RYR3: variants seen among roughly 807,000 people sequenced by gnomAD.
The protein encoded by RYR3 is brain ryanodine receptor-calcium release channel.
In RYR3, 207 loss-of-function variants were observed where a neutral mutation model predicts 584.3. That is an observed-to-expected ratio of 0.35 (90% CI 0.32 to 0.40). The LOEUF (loss-of-function observed/expected upper bound fraction) is 0.40, where lower values mean the gene tolerates loss of function less well. Ranked by LOEUF, RYR3 falls within the 10% of genes least tolerant of loss-of-function variation. The pLI is 1.00. For synonymous variants in RYR3, 2,416 were observed against 2,248.5 expected (o/e 1.07, Z -2.11); for missense variants, 5,616 against 6,089.2 (o/e 0.92, Z 2.59).
chr15:33,517,860 A>G (rs1010110952), intron 3 of RYR3, among the ~76,000 whole-genome samples: 1 of 152,170 alleles, frequency 6.6e-6, no homozygotes, highest in Non-Finnish European at 1.5e-5. Context: ...GATACCAGAA[A>G]AGAGGTTAAA....
At chr15:33,441,555 G>A (rs1435721812) in intron 1 of RYR3, among the ~76,000 whole-genome samples, 1 of 152,102 alleles carries the variant, frequency 6.6e-6, no homozygotes, top group African/African-American at 2.4e-5. Context: ...TAGAAGTGGG[G>A]ACTTAAACCC....
chr15:33,461,967 T>G (rs984834852), intron 1 of RYR3, among the ~76,000 whole-genome samples: 1 of 152,200 alleles, frequency 6.6e-6, no homozygotes, highest in Admixed American at 6.5e-5. Context: ...CCTGAATGAA[T>G]GCATGATTTA....
intron 38 of RYR3, among the ~76,000 whole-genome samples, chr15:33,688,818 A>T (rs1383571319): frequency 6.6e-6 from 1 of 152,150 alleles, no homozygotes; most frequent in South Asian, 2.1e-4. Flanking sequence ...ACAGTGTGGC[A>T]ATTCCTCAAG....
chr15:33,597,845 T>C (rs2059449786), intron 16 of RYR3, among the ~76,000 whole-genome samples: 1 of 151,720 alleles, frequency 6.6e-6, no homozygotes, highest in Admixed American at 6.6e-5. Context: ...AAAATACATA[T>C]AAAAACTTAT....
intron 3 of RYR3, among the ~76,000 whole-genome samples, chr15:33,528,662 G>C (rs2054595403): frequency 6.6e-6 from 1 of 152,150 alleles, no homozygotes; most frequent in Non-Finnish European, 1.5e-5. Context: ...GAACTTATAT[G>C]ACTTTGAGCA....
intron 1 of RYR3, among the ~76,000 whole-genome samples, chr15:33,426,553 TA>T (rs1416463651): frequency 6.6e-6 from 1 of 152,216 alleles, no homozygotes; most frequent in African/African-American, 2.4e-5. Context: ...CAGTTTAATT[TA>T]AAAAACTACA....
chr15:33,419,172 C>A (rs2044047362), intron 1 of RYR3, among the ~76,000 whole-genome samples: 1 of 152,128 alleles, frequency 6.6e-6, no homozygotes, highest in African/African-American at 2.4e-5. Context: ...GAAGCCTGGG[C>A]AGGGACTGAG....
Position 33,830,989 on chromosome 15 carries a change from T to C in RYR3, c.11361T>C (p.Tyr3787=). Residue 3787 remains tyrosine (Y), a synonymous_variant, in exon 86 of 104, where the codon TAT becomes TAC. Coordinates refer to ENST00000634891, the MANE Select transcript of RYR3 (RefSeq NM_001036.6). ...LQESISDFYW[Y]YSGKDIIDES... The stretch of plus-strand genomic sequence containing the variant: ...AATCAATCAGTGATTTCTACTGGTA[T>C]TATTCAGGGAAGGACATCATTGATG... 1 of 1,613,704 alleles carries C rather than the reference T, an allele frequency of 6.2e-7. No individual in the cohort carries two copies. Among genetic ancestry groups the C allele is most frequent in the Non-Finnish European group, 8.5e-7 (1 of 1,179,728 alleles).
chr15:33,421,726 T>G (rs1222184173), intron 1 of RYR3, among the ~76,000 whole-genome samples: 4 of 152,188 alleles, frequency 2.6e-5, no homozygotes, highest in African/African-American at 9.6e-5. Context: ...AATCTGAGTA[T>G]TATTCTGTGA....
intron 70 of RYR3, among the ~76,000 whole-genome samples, chr15:33,809,064 T>G (rs1227426970): frequency 2.0e-5 from 3 of 152,182 alleles, no homozygotes; most frequent in African/African-American, 7.2e-5. Flanking sequence ...CATTAATAAT[T>G]ATGAAACTCT....
chr15:33,744,856 CAT>C (rs955337021), intron 52 of RYR3, among the ~76,000 whole-genome samples: 19 of 152,288 alleles, frequency 1.2e-4, no homozygotes, highest in Admixed American at 3.9e-4. Flanking sequence ...CATTTGAAAA[CAT>C]GTGGGTTTTA....
At chr15:33,530,908 A>G (rs547221049) in intron 4 of RYR3, among the ~76,000 whole-genome samples, 3 of 152,274 alleles carry the variant, frequency 2.0e-5, no homozygotes, top group South Asian at 2.1e-4. Context: ...GAAGAGGGCC[A>G]TGTTTCTTTC....
chr15:33,388,166 A>T (rs1183876040), intron 1 of RYR3, among the ~76,000 whole-genome samples: 1 of 152,224 alleles, frequency 6.6e-6, no homozygotes, highest in African/African-American at 2.4e-5. Flanking sequence ...CCTGCAAAAG[A>T]TCAGGAACCA....
Position 33,634,702 on chromosome 15 carries a change from G to T in RYR3, c.3144G>T (p.Gly1048=), listed in dbSNP as rs2291733. 1 of 1,613,946 alleles carries T rather than the reference G, an allele frequency of 6.2e-7. No individual in the cohort carries two copies. Among genetic ancestry groups the T allele is most frequent in the Admixed American group, 1.7e-5 (1 of 60,020 alleles). The part of the protein sequence containing the change: ...REAVRTFVGY[G]YNIEPSDQEL... ...CTGTGCGCACTTTTGTTGGTTACGG[G>T]TATAACATTGAGCCATCAGACCAAG... The change falls in exon 25 of 104, where the codon GGG becomes GGT. Residue 1048 remains glycine, a synonymous_variant. Coordinates refer to ENST00000634891, the MANE Select transcript of RYR3 (RefSeq NM_001036.6).
chr15:33,829,405 C>G (rs974308208), intron 85 of RYR3, among the ~76,000 whole-genome samples: 1 of 151,920 alleles, frequency 6.6e-6, no homozygotes, highest in Admixed American at 6.6e-5. Context: ...GATCTGGGCA[C>G]GGTAAGTTGA....
intron 38 of RYR3, among the ~76,000 whole-genome samples, chr15:33,677,540 C>G (rs1394165162): frequency 6.6e-6 from 1 of 152,132 alleles, no homozygotes; most frequent in Non-Finnish European, 1.5e-5. Context: ...TGACAGATTT[C>G]AAAAACAGGC....
chr15:33,838,877 T>G lies in RYR3; in HGVS notation c.12897T>G (p.Gly4299=). The change falls in exon 89 of 104, where the codon GGT becomes GGG. Residue 4299 remains glycine (G), a synonymous_variant. Transcript: ENST00000634891. The stretch of plus-strand genomic sequence containing the variant: ...GCTTAAAGCATGGGCCTGAAGTGGG[T>G]TTGGGTGACCTCTCAGAAATTATTG... ...EGSLKHGPEV[G]LGDLSEIIGK... is the part of the protein sequence containing the mutation. 4 of 1,613,908 alleles carry G rather than the reference T, an allele frequency of 2.5e-6. No individual in the cohort carries two copies. Among genetic ancestry groups the G allele is most frequent in the Non-Finnish European group, 3.4e-6 (4 of 1,179,838 alleles).
chr15:33,607,377 A>G (rs4780133), intron 18 of RYR3, among the ~76,000 whole-genome samples: 40,763 of 152,110 alleles, frequency 0.27, 6,260 homozygotes, highest in Non-Finnish European at 0.35. Flanking sequence ...CTTCCTGGGC[A>G]CTTCAGGTGG....
intron 48 of RYR3, among the ~76,000 whole-genome samples, chr15:33,734,683 T>G (rs891106989): frequency 9.5e-5 from 13 of 136,328 alleles, no homozygotes; most frequent in Non-Finnish European, 1.4e-4. Flanking sequence ...ATTCGATTTT[T>G]TTTTCTTTTT....
Sources: allele counts gnomAD v4.1 joint callset (sites outside exome capture counted in the v4.1 genomes callset), GRCh38; gene constraint gnomAD v4.1.1; transcripts MANE v1.5; gene names NCBI Gene and HGNC (gene_info 2026-07-23, HGNC 2026-07-21).